The following ZNF280C variants were observed in gnomAD, a reference collection of about 807,000 sequenced individuals.
The protein encoded by ZNF280C is suppressor of hairy wing homolog 3.
ZNF280C carries 14 observed loss-of-function variants against 53.6 expected under a neutral mutation model. That is an observed-to-expected ratio of 0.26 (90% CI 0.17 to 0.41). The LOEUF is 0.41. Ranked by LOEUF, ZNF280C falls within the 10% of genes least tolerant of loss-of-function variation. The pLI is 1.00. For missense variants in ZNF280C, 416 were observed against 547.1 expected, an observed-to-expected ratio of 0.76 and a Z score of 2.39; for synonymous variants, 203 against 181.1, an observed-to-expected ratio of 1.12 and a Z score of -0.97.
At chrX:130,244,177 G>C (rs922393657) in intron 3 of ZNF280C, among the ~76,000 whole-genome samples, 1 of 111,741 alleles carries the variant, frequency 8.9e-6, no homozygotes, top group African/African-American at 3.3e-5. Flanking sequence ...AATTAAACCT[G>C]GAGTTCCAGA....
intron 13 of ZNF280C, among the ~76,000 whole-genome samples, chrX:130,218,087 C>T (rs1460956217): frequency 6.3e-5 from 7 of 111,081 alleles, no homozygotes; most frequent in African/African-American, 2.0e-4. Context: ...GCTTGAGCCT[C>T]GGAGGCAGAG....
chrX:130,243,469 G>A, intron 5 of ZNF280C, 94 bp downstream of exon 5: 4 of 987,884 alleles, frequency 4.0e-6, no homozygotes, highest in Non-Finnish European at 5.5e-6. Context: ...ACAGGCGTGA[G>A]CCACTGTGCC....
At position 130,226,739 on chromosome X, in the gene ZNF280C, TAAG is replaced by T; in HGVS notation, c.1395+17_1395+19del. ...TTTTCACTAAGACAACATGAACAAA[TAAG>T]AACTGCTTAATCTCACCTGATGCTT... is the stretch of plus-strand genomic sequence containing the variant. On this transcript the variant is annotated intron_variant, in intron 12 of 18. Transcript: ENST00000370978. 2.5e-6 allele frequency: 3 copies of T among 1,197,847 alleles called. No individual in the cohort carries two copies. The highest frequency in any genetic ancestry group is 3.4e-6 in the Non-Finnish European group (3 of 890,122).
At chrX:130,255,707 C>T (rs901016093) in intron 2 of ZNF280C, among the ~76,000 whole-genome samples, 1 of 111,773 alleles carries the variant, frequency 8.9e-6, no homozygotes, top group Non-Finnish European at 1.9e-5. Flanking sequence ...GTAATCCCAG[C>T]ACTTTCGGAG....
chrX:130,232,357 A>C (rs2032286911), intron 8 of ZNF280C, among the ~76,000 whole-genome samples: 1 of 108,150 alleles, frequency 9.2e-6, no homozygotes. Flanking sequence ...GATGAAACTA[A>C]TTTATTTATT....
chrX:130,233,995 A>G (rs1231160956), intron 8 of ZNF280C, among the ~76,000 whole-genome samples: 1 of 111,656 alleles, frequency 9.0e-6, no homozygotes, highest in Non-Finnish European at 1.9e-5. Flanking sequence ...AAAAAAAAGG[A>G]CAAAGAAAGC....
intron 11 of ZNF280C, among the ~76,000 whole-genome samples, 197 bp downstream of exon 11, chrX:130,227,485 G>A (rs2032232184): frequency 9.0e-6 from 1 of 111,569 alleles, no homozygotes; most frequent in Non-Finnish European, 1.9e-5. Context: ...ACAACCCACA[G>A]GCAAAATCTA....
At chrX:130,256,481 G>A (rs1011615035) in intron 2 of ZNF280C, among the ~76,000 whole-genome samples, 3 of 111,380 alleles carry the variant, frequency 2.7e-5, no homozygotes, top group Non-Finnish European at 5.7e-5. Context: ...CTACACGGGA[G>A]GCAGAGGCAG....
At chrX:130,254,494 C>T (rs1313807880) in intron 2 of ZNF280C, among the ~76,000 whole-genome samples, 8 of 111,894 alleles carry the variant, frequency 7.1e-5, no homozygotes, top group South Asian at 7.5e-4. Context: ...GGAGCAAAGA[C>T]ATGGAATCGA....
chrX:130,252,795 C>T (rs1317496605), intron 2 of ZNF280C, among the ~76,000 whole-genome samples: 1 of 111,447 alleles, frequency 9.0e-6, no homozygotes, highest in Non-Finnish European at 1.9e-5. Context: ...TATGACAAAC[C>T]CACAGGCAAC....
intron 16 of ZNF280C, among the ~76,000 whole-genome samples, chrX:130,206,647 T>C (rs1189486245): frequency 2.7e-5 from 3 of 111,836 alleles, no homozygotes; most frequent in African/African-American, 9.7e-5. Flanking sequence ...ATTATAGGCG[T>C]AAGCCACCGT....
Position 130,226,850 on chromosome X carries a change from G to A in ZNF280C, c.1304C>T (p.Ala435Val). 8.3e-7 allele frequency: 1 copy of A among 1,207,968 alleles called. No individual in the cohort carries two copies. The highest frequency in any genetic ancestry group is 1.1e-6 in the Non-Finnish European group (1 of 893,790). The change falls in exon 12 of 19, where the codon GCC becomes GTC. Residue 435 changes from alanine (A) to valine (V), a missense_variant. Transcript: ENST00000370978. Reference sequence around the variant, plus strand: ...TAGCAAGTTCTTAGTGTTTTCATGGGCTGCTCTAAAATGAGCTTCTACATC... The same window carrying A: ...TAGCAAGTTCTTAGTGTTTTCATGGACTGCTCTAAAATGAGCTTCTACATC... The part of the protein sequence containing the change: ...FSDVEAHFRA[A>V]HENTKNLLCP...
At position 130,243,909 on chromosome X, in the gene ZNF280C, T is replaced by C. The variant is rs771518407; in HGVS notation, c.179-44A>G. The C allele has an allele frequency of 2.1e-5, 18 of 843,748 alleles. No homozygotes were observed. In the Admixed American group the frequency reaches 4.3e-4, roughly 20 times the overall value. 69.5% of individuals were successfully genotyped at this position (843,748 alleles called of 1,213,427 possible). On this transcript the variant is annotated intron_variant, in intron 3 of 18. Transcript: ENST00000370978. ...TTTAAAATTTGTTATGTGAATGAAA[T>C]ATATACTAATAGAAAAATTCCTCCA...
chrX:130,224,986 C>G (rs1436719894), intron 12 of ZNF280C, among the ~76,000 whole-genome samples: 3 of 111,776 alleles, frequency 2.7e-5, no homozygotes, highest in Non-Finnish European at 5.6e-5. Context: ...TACAAGCAGG[C>G]ACTTCTGAAA....
rs150057750 is a variant in ZNF280C at position 130,219,560 on chromosome X, T to G, written c.1527+789A>C. On this transcript the variant is annotated intron_variant, in intron 13 of 18. Transcript: ENST00000370978. The stretch of plus-strand genomic sequence containing the variant: ...TAAGGCAAAGAAGGAGAAAGAAATT[T>G]GTAGTCTGATGTGTGCTTGCTCATG... Among the ~76,000 whole-genome samples, 823 of 107,676 alleles carry G rather than the reference T, an allele frequency of 7.6e-3. 11 individuals are homozygous for G. Among genetic ancestry groups the G allele is most frequent in the African/African-American group, 0.026 (778 of 29,610 alleles). 93.5% of individuals were successfully genotyped at this position (107,676 alleles called of 115,157 possible).
intron 2 of ZNF280C, among the ~76,000 whole-genome samples, chrX:130,250,409 G>T: frequency 9.0e-6 from 1 of 111,236 alleles, no homozygotes; most frequent in Non-Finnish European, 1.9e-5. Context: ...ACAGAAGAGA[G>T]AAGATCCAAA....
At chrX:130,228,510 C>T (rs1219295477) in intron 10 of ZNF280C, among the ~76,000 whole-genome samples, 9 of 110,143 alleles carry the variant, frequency 8.2e-5, no homozygotes, top group Admixed American at 7.8e-4. Flanking sequence ...CTCTAACTCC[C>T]GACCTCAGGT....
At chrX:130,227,467 A>G (rs209226) in intron 11 of ZNF280C, among the ~76,000 whole-genome samples, 55,349 of 110,306 alleles carry the variant, frequency 0.5, 10,820 homozygotes, top group African/African-American at 0.72. Context: ...CACAGAGGTC[A>G]GCAAACTACA....
intron 1 of ZNF280C, among the ~76,000 whole-genome samples, chrX:130,263,850 C>A (rs768086776): frequency 4.4e-4 from 47 of 107,876 alleles, no homozygotes; most frequent in Admixed American, 1.1e-3. Flanking sequence ...CATGGTGAAA[C>A]CCCGTCTCTA....
Sources: allele counts gnomAD v4.1 joint callset (sites outside exome capture counted in the v4.1 genomes callset), GRCh38; gene constraint gnomAD v4.1.1; transcripts MANE v1.5; gene names NCBI Gene and HGNC (gene_info 2026-07-23, HGNC 2026-07-21).